The following MARCHF1 variants were observed in gnomAD, a reference collection of about 807,000 sequenced individuals.
MARCHF1 encodes membrane associated ring-CH-type finger 1.
A neutral mutation model predicts 54.2 loss-of-function variants in MARCHF1; 40 were observed. That is an observed-to-expected ratio of 0.74 (90% CI 0.57 to 0.96). The LOEUF (loss-of-function observed/expected upper bound fraction) is 0.96. Among genes scored for constraint, MARCHF1 ranks in the 40% least tolerant of loss-of-function variants. The probability of loss-of-function intolerance (pLI) is 0.00; values close to 1 mark genes in which losing one functional copy is unlikely to be tolerated. For synonymous variants in MARCHF1, 236 were observed against 236.3 expected (o/e 1.00, Z 0.01); for missense variants, 586 against 656.5 (o/e 0.89, Z 1.17).
intron 8 of MARCHF1, chr4:163,583,994 T>C (rs1277088986): frequency 6.6e-6 from 1 of 151,606 alleles, no homozygotes; most frequent in Non-Finnish European, 1.5e-5. Flanking sequence ...ACATATTTGC[T>C]GCCTTTCTCT....
At chr4:164,264,388 G>A (rs554263114) in intron 1 of MARCHF1, among the ~76,000 whole-genome samples, 1 of 151,976 alleles carries the variant, frequency 6.6e-6, no homozygotes, top group African/African-American at 2.4e-5. Context: ...TTGGGTACTA[G>A]GTTTAATACC....
chr4:163,632,170 G>C lies in MARCHF1; in HGVS notation c.163-18777C>G, dbSNP rs183182700. 3.3e-5 allele frequency among the ~76,000 whole-genome samples: 5 copies of C among 152,272 alleles called. No individual in the cohort carries two copies. The South Asian group carries it at 6.2e-4, about 19-fold the overall frequency. On this transcript the variant is annotated intron_variant, in intron 5 of 9. Coordinates refer to ENST00000514618, the MANE Select transcript of MARCHF1 (RefSeq NM_001394959.1). ...TGGTGCAGTTACTCTGGAAAATATA[G>C]GTAGAATTACTCTATGATATGGTTT...
intron 8 of MARCHF1, among the ~76,000 whole-genome samples, chr4:163,557,030 G>C (rs1328187651): frequency 6.6e-6 from 1 of 152,084 alleles, no homozygotes; most frequent in Non-Finnish European, 1.5e-5. Flanking sequence ...CATTTTCCAA[G>C]TTAAAGTCCT....
In MARCHF1 at chr4:163,634,463, C is replaced by T. The variant is rs565981741; in HGVS notation, c.163-21070G>A. Reference sequence around the variant, plus strand: ...GTTGCAATCCTAGTCTCTGATAAAACAGACTTTAAACCAACAAAGATCAAA... The same window carrying T: ...GTTGCAATCCTAGTCTCTGATAAAATAGACTTTAAACCAACAAAGATCAAA... On this transcript the variant is annotated intron_variant, in intron 5 of 9. Coordinates refer to ENST00000514618, the MANE Select transcript of MARCHF1 (RefSeq NM_001394959.1). Among the ~76,000 whole-genome samples, 877 of 145,302 alleles carry T rather than the reference C, an allele frequency of 6.0e-3. 5 individuals are homozygous for T. Among genetic ancestry groups the T allele is most frequent in the African/African-American group, 0.021 (802 of 38,628 alleles).
intron 2 of MARCHF1, among the ~76,000 whole-genome samples, chr4:164,037,636 A>ACT (rs1409450100): frequency 6.6e-6 from 1 of 152,056 alleles, no homozygotes; most frequent in African/African-American, 2.4e-5. Context: ...ATTATACACC[A>ACT]CTCTTTAAGT....
intron 4 of MARCHF1, among the ~76,000 whole-genome samples, chr4:163,825,506 C>T (rs921882455): frequency 2.0e-5 from 3 of 151,780 alleles, no homozygotes; most frequent in African/African-American, 4.8e-5. Flanking sequence ...TAAGTTTTTT[C>T]AGAAATCGCC....
At chr4:163,933,309 A>ATTCC (rs1751722631) in intron 3 of MARCHF1, 2 of 561,406 alleles carry the variant, frequency 3.6e-6, no homozygotes, top group East Asian at 9.0e-5. Flanking sequence ...ACATATCTCC[A>ATTCC]TTCCTTATTC....
At chr4:163,708,145 C>T (rs1044682063) in intron 4 of MARCHF1, among the ~76,000 whole-genome samples, 7 of 151,578 alleles carry the variant, frequency 4.6e-5, no homozygotes, top group African/African-American at 1.7e-4. Flanking sequence ...TTCTAACACC[C>T]TCAGAAACAG....
chr4:164,073,485 G>A (rs1483588517), intron 2 of MARCHF1, among the ~76,000 whole-genome samples: 1 of 152,026 alleles, frequency 6.6e-6, no homozygotes, highest in Non-Finnish European at 1.5e-5. Context: ...ATCACACAGT[G>A]GGGCCTGTCA....
At chr4:164,382,057 C>T (rs917281675) in intron 1 of MARCHF1, among the ~76,000 whole-genome samples, 2 of 152,200 alleles carry the variant, frequency 1.3e-5, no homozygotes, top group African/African-American at 4.8e-5. Context: ...AGTAGAGATA[C>T]GCATGTAAAA....
At chr4:164,084,314 C>T (rs1560896376) in intron 2 of MARCHF1, among the ~76,000 whole-genome samples, 1 of 151,680 alleles carries the variant, frequency 6.6e-6, no homozygotes, top group Non-Finnish European at 1.5e-5. Context: ...TTATTACTTT[C>T]CCCGGCTGTA....
chr4:164,301,096 G>A (rs4450883), intron 1 of MARCHF1, among the ~76,000 whole-genome samples: 42,003 of 151,950 alleles, frequency 0.28, 7,623 homozygotes, highest in African/African-American at 0.52. Context: ...AGATCTTAAA[G>A]TGCCCTTATG....
intron 1 of MARCHF1, among the ~76,000 whole-genome samples, chr4:164,280,444 A>T (rs1733999278): frequency 6.6e-6 from 1 of 152,086 alleles, no homozygotes; most frequent in Admixed American, 6.6e-5. Context: ...TAATGGTGGC[A>T]TTTTAAATTA....
rs141400490 is a variant in MARCHF1, at chr4:163,767,755, A to G, written c.112-66892T>C. 2.0e-5 allele frequency among the ~76,000 whole-genome samples: 3 copies of G among 152,322 alleles called. No homozygotes were observed. The East Asian group carries it at 5.8e-4, about 29-fold the overall frequency. On this transcript the variant is annotated intron_variant, in intron 4 of 9. Transcript: ENST00000514618. ...TTATTTGTTCTGTCAAGTTAACTTT[A>G]TAAAATTTGCTTTACTTCTTTTATT...
intron 7 of MARCHF1, among the ~76,000 whole-genome samples, chr4:163,601,310 G>A (rs1005062720): frequency 6.6e-6 from 1 of 151,918 alleles, no homozygotes; most frequent in Non-Finnish European, 1.5e-5. Context: ...TTTATTTTCT[G>A]TTTGTATAAA....
intron 3 of MARCHF1, among the ~76,000 whole-genome samples, chr4:163,977,458 A>G (rs746354925): frequency 6.6e-5 from 10 of 152,204 alleles, no homozygotes; most frequent in Admixed American, 2.0e-4. Flanking sequence ...CAGTCCATAT[A>G]CATAAGCCCC....
chr4:163,886,630 G>A (rs1750545463), intron 3 of MARCHF1, among the ~76,000 whole-genome samples: 2 of 152,136 alleles, frequency 1.3e-5, no homozygotes, highest in Admixed American at 6.6e-5. Context: ...AAATGTAATT[G>A]AAGGAAGACA....
intron 1 of MARCHF1, among the ~76,000 whole-genome samples, chr4:164,201,314 G>C (rs1046072647): frequency 1.3e-5 from 2 of 152,144 alleles, no homozygotes; most frequent in African/African-American, 4.8e-5. Flanking sequence ...CCGCCTCCCA[G>C]GTTCAAGCGA....
intron 5 of MARCHF1, among the ~76,000 whole-genome samples, chr4:163,618,760 T>C (rs1230393500): frequency 6.6e-6 from 1 of 152,136 alleles, no homozygotes; most frequent in Non-Finnish European, 1.5e-5. Flanking sequence ...TATGATATAC[T>C]CTGGAAATAA....
Sources: allele counts gnomAD v4.1 joint callset (sites outside exome capture counted in the v4.1 genomes callset), GRCh38; gene constraint gnomAD v4.1.1; transcripts MANE v1.5; gene names NCBI Gene and HGNC (gene_info 2026-07-23, HGNC 2026-07-21).